SRFBP1: variants seen among roughly 807,000 people sequenced by gnomAD.
The protein encoded by SRFBP1 is serum response factor-binding protein 1.
In SRFBP1, 47 loss-of-function variants were observed where a neutral mutation model predicts 45.5. The observed-to-expected ratio is 1.03, with a 90% confidence interval of 0.82 to 1.32. The LOEUF (loss-of-function observed/expected upper bound fraction) is 1.32, where lower values mean the gene tolerates loss of function less well. Among genes scored for constraint, SRFBP1 ranks in the 40% most tolerant of loss-of-function variants. The pLI is 0.00. For missense variants in SRFBP1, 621 were observed against 484.6 expected (o/e 1.28, Z -2.64); for synonymous variants, 203 against 166.3 (o/e 1.22, Z -1.70).
At chr5:122,008,676 A>T (rs1753026459) in intron 4 of SRFBP1, among the ~76,000 whole-genome samples, 1 of 151,866 alleles carries the variant, frequency 6.6e-6, no homozygotes, top group Non-Finnish European at 1.5e-5. Flanking sequence ...TTTTGTGTGT[A>T]GATAGTCATT....
chr5:122,043,191 A>G (rs1753797880), intron 2 of SRFBP1, among the ~76,000 whole-genome samples: 1 of 152,050 alleles, frequency 6.6e-6, no homozygotes, highest in Non-Finnish European at 1.5e-5. Flanking sequence ...CTATGAAAAT[A>G]TCTGTCTCAC....
At chr5:121,996,885 G>A (rs1265031362) in intron 4 of SRFBP1, among the ~76,000 whole-genome samples, 16 of 148,150 alleles carry the variant, frequency 1.1e-4, no homozygotes, top group Non-Finnish European at 2.2e-4. Context: ...CAACCAGAGA[G>A]CCAAATCATG....
intron 1 of SRFBP1, 37 bp from the exon 2 acceptor site, chr5:121,974,159 A>G (rs1270265054): frequency 7.0e-7 from 1 of 1,434,170 alleles, no homozygotes. Context: ...TCCTGAAGTA[A>G]GTGCCTTTCT....
chr5:121,983,382 A>G (rs1361268350), intron 3 of SRFBP1, among the ~76,000 whole-genome samples: 1 of 151,804 alleles, frequency 6.6e-6, no homozygotes, highest in Admixed American at 6.6e-5. Flanking sequence ...TGTACCTGAC[A>G]GAAGTGAGTA....
rs535782530 is a variant in SRFBP1 at position 122,017,045 on chromosome 5, G to A, written c.271-2215G>A. ...GGAGTTCGACACCAGCCTGGCCAAC[G>A]TGGTGAAACCCCATCTCTACTAAAA... On this transcript the variant is annotated intron_variant, in intron 4 of 7. Coordinates refer to ENST00000339397, the MANE Select transcript of SRFBP1 (RefSeq NM_152546.3). 4.3e-4 allele frequency among the ~76,000 whole-genome samples: 65 copies of A among 152,094 alleles called. 2 individuals carry two copies. In the South Asian group the frequency reaches 0.013, roughly 30 times the overall value.
At chr5:122,012,564 A>G (rs1044231519) in intron 4 of SRFBP1, among the ~76,000 whole-genome samples, 2 of 152,120 alleles carry the variant, frequency 1.3e-5, no homozygotes, top group African/African-American at 4.8e-5. Context: ...ATTGCAAGCA[A>G]CTGAGATTTG....
chr5:122,003,346 GAAAAAAA>G (rs11300712), intron 4 of SRFBP1, among the ~76,000 whole-genome samples: 2 of 106,132 alleles, frequency 1.9e-5, no homozygotes, highest in African/African-American at 6.2e-5. Flanking sequence ...CTGTCTCAGA[GAAAAAAA>G]AAAAAAAAAT....
At chr5:122,032,591 G>A (rs1287705114), downstream of SRFBP1, among the ~76,000 whole-genome samples, 1 of 152,056 alleles carries the variant, frequency 6.6e-6, no homozygotes, top group Non-Finnish European at 1.5e-5. Flanking sequence ...CTGCAGATTT[G>A]TTCATAGAGA....
At chr5:122,019,109 G>T in intron 4 of SRFBP1, 151 bp from the exon 5 acceptor site, 1 of 652,036 alleles carries the variant, frequency 1.5e-6, no homozygotes, top group Non-Finnish European at 2.6e-6. Context: ...AGCATGGATT[G>T]ATTATACAGA....
At chr5:122,056,121 T>C (rs1689278056) in intron 2 of SRFBP1, among the ~76,000 whole-genome samples, 1 of 152,204 alleles carries the variant, frequency 6.6e-6, no homozygotes, top group South Asian at 2.1e-4. Context: ...TTTTTGTCCA[T>C]TCTCCCTCTC....
downstream of SRFBP1, chr5:122,077,070 C>T (rs1294203641): frequency 6.3e-6 from 10 of 1,585,062 alleles, no homozygotes; most frequent in Admixed American, 1.7e-5. The surrounding 1 kb of genome is among the most constrained non-coding windows in gnomAD (Gnocchi z 4.9). Flanking sequence ...CTCCCTACCC[C>T]TCTAGGTCCC....
chr5:122,074,113 T>C, intron 2 of SRFBP1: 1 of 1,614,090 alleles, frequency 6.2e-7, no homozygotes. Flanking sequence ...CACTCTCCTC[T>C]GGGTGTTGGC....
chr5:121,988,693 C>T (rs1194153899), intron 3 of SRFBP1, among the ~76,000 whole-genome samples: 2 of 152,108 alleles, frequency 1.3e-5, no homozygotes, highest in Non-Finnish European at 1.5e-5. Flanking sequence ...ACACATTAAC[C>T]GTAAATCACA....
chr5:121,999,924 C>T (rs1157352908), intron 4 of SRFBP1, among the ~76,000 whole-genome samples: 2 of 151,928 alleles, frequency 1.3e-5, no homozygotes, highest in African/African-American at 4.8e-5. Context: ...ATGTTTAAGC[C>T]ATTTCTATTC....
At chr5:121,973,774 A>C (rs1285366877) in intron 1 of SRFBP1, among the ~76,000 whole-genome samples, 1 of 151,896 alleles carries the variant, frequency 6.6e-6, no homozygotes, top group African/African-American at 2.4e-5. Context: ...TTAAAAGCTA[A>C]TTTGCTAATT....
chr5:121,973,298 C>A (rs1026608112), intron 1 of SRFBP1, among the ~76,000 whole-genome samples: 3 of 151,728 alleles, frequency 2.0e-5, no homozygotes, highest in African/African-American at 7.2e-5. Context: ...AGTGGTTATC[C>A]TTAACTGAAG....
At chr5:122,070,151 G>T (rs1203678782) in intron 2 of SRFBP1, 1 of 1,610,560 alleles carries the variant, frequency 6.2e-7, no homozygotes, top group East Asian at 2.2e-5. Flanking sequence ...GAACCAGGTA[G>T]CTGGGGTTTA....
At chr5:122,063,039 T>A (rs576450409) in intron 2 of SRFBP1, among the ~76,000 whole-genome samples, 1 of 152,112 alleles carries the variant, frequency 6.6e-6, no homozygotes, top group East Asian at 1.9e-4. Context: ...GCTAGATTTT[T>A]ATCCATCATA....
intron 4 of SRFBP1, among the ~76,000 whole-genome samples, chr5:122,007,649 C>A (rs1292119471): frequency 1.3e-5 from 2 of 151,830 alleles, no homozygotes; most frequent in East Asian, 2.0e-4. Context: ...CGGTCCTGCA[C>A]CCTGGGTCTG....
Sources: gnomAD v4.1 joint callset for allele counts (sites outside exome capture counted in the v4.1 genomes callset) on GRCh38, gnomAD v4.1.1 for gene constraint, Gnocchi (gnomAD v3.1) non-coding constraint, MANE v1.5 for transcripts, NCBI Gene and HGNC (gene_info 2026-07-23, HGNC 2026-07-21) for gene names.